Variants in PKHD1 observed in about 807,000 individuals in gnomAD.
PKHD1 encodes PKHD1 ciliary IPT domain containing fibrocystin/polyductin, also known as fibrocystin.
A neutral mutation model predicts 412.0 loss-of-function variants in PKHD1; 291 were observed. The observed-to-expected ratio is 0.71, with a 90% CI of 0.64 to 0.78. The LOEUF (loss-of-function observed/expected upper bound fraction) is 0.78. Among genes scored for constraint, PKHD1 ranks in the 30% least tolerant of loss-of-function variants. PKHD1 has a pLI of 0.00. For missense variants in PKHD1, 4,825 were observed against 4,950.7 expected, an observed-to-expected ratio of 0.97 and a Z score of 0.76; for synonymous variants, 1,777 against 1,821.5, an observed-to-expected ratio of 0.98 and a Z score of 0.62.
intron 60 of PKHD1, among the ~76,000 whole-genome samples, chr6:51,699,498 T>A (rs1333954145): frequency 6.6e-6 from 1 of 152,210 alleles, no homozygotes; most frequent in East Asian, 1.9e-4. Flanking sequence ...TTCCAGTTTT[T>A]GACTGTCACA....
intron 46 of PKHD1, among the ~76,000 whole-genome samples, chr6:51,881,786 G>C (rs1013321220): frequency 2.0e-5 from 3 of 152,104 alleles, no homozygotes; most frequent in African/African-American, 7.2e-5. Context: ...CTTTAATTAT[G>C]TGGTTTTATG....
At chr6:52,066,763 C>T (rs9357722) in intron 11 of PKHD1, among the ~76,000 whole-genome samples, 62,607 of 151,728 alleles carry the variant, frequency 0.41, 14,982 homozygotes, top group Admixed American at 0.57. Flanking sequence ...AGCCGGGTTC[C>T]GTGGTGTGCA....
chr6:51,952,807 T>C (rs2127895223), intron 36 of PKHD1, among the ~76,000 whole-genome samples: 1 of 152,212 alleles, frequency 6.6e-6, no homozygotes, highest in South Asian at 2.1e-4. Context: ...TTCTGGATAA[T>C]GGCACAGACC....
rs1161193879 is a variant in PKHD1 at position 51,969,812 on chromosome 6, C to A, written c.5752-9786G>T. Among the ~76,000 whole-genome samples, 3 of 152,156 alleles carry A rather than the reference C, an allele frequency of 2.0e-5. No individual in the cohort carries two copies. The East Asian group carries it at 5.8e-4, about 29-fold the overall frequency. On this transcript the variant is annotated intron_variant, in intron 35 of 66. Transcript: ENST00000371117. ...ACATATATATATAAATACATACACA[C>A]CATATTTTCTTTATCCAATCATTTG...
At chr6:51,730,585 C>T (rs998624566) in intron 60 of PKHD1, among the ~76,000 whole-genome samples, 4 of 152,066 alleles carry the variant, frequency 2.6e-5, no homozygotes, top group Non-Finnish European at 5.9e-5. Flanking sequence ...TTAATGAATG[C>T]TTCCAATTGT....
At position 52,048,475 on chromosome 6, in the gene PKHD1, C is replaced by A; in HGVS notation, c.2407+17G>T. ...ATATGTGAGTGAGAATTGTTGCAAC[C>A]CCAATCACCCCTTTACCAGAAATCA... is the stretch of plus-strand genomic sequence containing the variant. On this transcript the variant is annotated intron_variant, in intron 23 of 66. Coordinates refer to ENST00000371117, the MANE Select transcript of PKHD1 (RefSeq NM_138694.4). 1 of 1,613,570 alleles carries A rather than the reference C, an allele frequency of 6.2e-7. No individual in the cohort carries two copies. Among genetic ancestry groups the A allele is most frequent in the Non-Finnish European group, 8.5e-7 (1 of 1,179,548 alleles).
intron 55 of PKHD1, among the ~76,000 whole-genome samples, chr6:51,764,867 A>T (rs373474134): frequency 3.3e-5 from 5 of 151,564 alleles, no homozygotes; most frequent in Admixed American, 2.0e-4. Context: ...CTTCTCAATC[A>T]CCTGTGTTGA....
chr6:51,995,326 C>T (rs1026161268), intron 35 of PKHD1, among the ~76,000 whole-genome samples: 1 of 152,166 alleles, frequency 6.6e-6, no homozygotes, highest in Admixed American at 6.5e-5. Flanking sequence ...TATAAAGCCT[C>T]TAACAGCTTT....
intron 22 of PKHD1, among the ~76,000 whole-genome samples, chr6:52,049,612 C>T (rs905513640): frequency 4.6e-5 from 7 of 152,120 alleles, no homozygotes; most frequent in South Asian, 2.1e-4. Flanking sequence ...GAAGCCTGAT[C>T]CTTAGTTACT....
chr6:52,061,166 A>T (rs1044584877), intron 14 of PKHD1, among the ~76,000 whole-genome samples: 1 of 152,190 alleles, frequency 6.6e-6, no homozygotes, highest in African/African-American at 2.4e-5. Flanking sequence ...ACAATGGACC[A>T]CAAATTAACT....
chr6:51,658,029 G>C (rs1211326732), intron 61 of PKHD1, among the ~76,000 whole-genome samples: 1 of 152,034 alleles, frequency 6.6e-6, no homozygotes, highest in Non-Finnish European at 1.5e-5. Context: ...CAAAAGGAAA[G>C]ATATTTCAAT....
intron 5 of PKHD1, among the ~76,000 whole-genome samples, chr6:52,078,292 GA>G (rs1417773384): frequency 6.6e-6 from 1 of 152,114 alleles, no homozygotes; most frequent in African/African-American, 2.4e-5. Context: ...ATGACAAAGT[GA>G]AAAATTAATG....
intron 29 of PKHD1, among the ~76,000 whole-genome samples, chr6:52,029,824 T>C (rs1241539565): frequency 6.6e-6 from 1 of 152,214 alleles, no homozygotes; most frequent in African/African-American, 2.4e-5. Flanking sequence ...GCCAGAGGGA[T>C]GTCTGCTTAA....
At chr6:51,716,564 T>C (rs1041586655) in intron 60 of PKHD1, among the ~76,000 whole-genome samples, 1 of 152,106 alleles carries the variant, frequency 6.6e-6, no homozygotes, top group Non-Finnish European at 1.5e-5. Context: ...AGCCACTGCT[T>C]GGCTGCCCCA....
chr6:51,938,646 T>C (rs1266899), intron 36 of PKHD1, among the ~76,000 whole-genome samples: 104,881 of 150,776 alleles, frequency 0.7, 37,742 homozygotes, highest in East Asian at 0.94. Flanking sequence ...TTGTTGCTCA[T>C]ACAAAACCTG....
At chr6:51,728,627 G>A (rs1567215) in intron 60 of PKHD1, among the ~76,000 whole-genome samples, 53,334 of 152,044 alleles carry the variant, frequency 0.35, 10,306 homozygotes, top group East Asian at 0.62. Flanking sequence ...ATCATCTCCA[G>A]AAACTCCAGA....
chr6:51,664,656 G>A (rs770807814), intron 60 of PKHD1, among the ~76,000 whole-genome samples: 10 of 152,126 alleles, frequency 6.6e-5, no homozygotes, highest in Non-Finnish European at 1.5e-4. Flanking sequence ...ATTAAGCACT[G>A]TGTTAAAACT....
chr6:51,648,696 A>T (rs954889275), intron 62 of PKHD1, among the ~76,000 whole-genome samples: 9 of 152,238 alleles, frequency 5.9e-5, no homozygotes, highest in Non-Finnish European at 1.2e-4. Flanking sequence ...AGATTATTTT[A>T]AAAAACGTAA....
chr6:51,977,737 T>C (rs575383500), intron 35 of PKHD1, among the ~76,000 whole-genome samples: 1 of 152,288 alleles, frequency 6.6e-6, no homozygotes, highest in East Asian at 1.9e-4. Context: ...GAGAGCTTAA[T>C]GGAAAAGGCA....
Sources: gnomAD v4.1 joint callset for allele counts (sites outside exome capture counted in the v4.1 genomes callset) on GRCh38, gnomAD v4.1.1 for gene constraint, MANE v1.5 for transcripts, NCBI Gene and HGNC (gene_info 2026-07-23, HGNC 2026-07-21) for gene names.